RASGRF2: variants seen among roughly 807,000 people sequenced by gnomAD.
RASGRF2 encodes Ras protein specific guanine nucleotide releasing factor 2.
A neutral mutation model predicts 151.0 loss-of-function variants in RASGRF2; 76 were observed. The observed-to-expected ratio is 0.50, with a 90% CI of 0.42 to 0.61. The LOEUF (loss-of-function observed/expected upper bound fraction) is 0.61, where lower values mean the gene tolerates loss of function less well. Among genes scored for constraint, RASGRF2 ranks in the 20% least tolerant of loss-of-function variants. The pLI is 0.00. For synonymous variants in RASGRF2, 504 were observed against 566.5 expected, an observed-to-expected ratio of 0.89 and a Z score of 1.57; for missense variants, 1,148 against 1,564.6, an observed-to-expected ratio of 0.73 and a Z score of 4.49.
At chr5:81,041,233 C>T (rs973560814) in intron 1 of RASGRF2, among the ~76,000 whole-genome samples, 2 of 147,102 alleles carry the variant, frequency 1.4e-5, no homozygotes, top group Non-Finnish European at 3.0e-5. Context: ...ACCAGGGAGA[C>T]GGAGGTTGCA....
chr5:81,195,549 CTTCTTGAGATTTTT>C (rs1339337310), intron 18 of RASGRF2, among the ~76,000 whole-genome samples: 2 of 149,310 alleles, frequency 1.3e-5, no homozygotes, highest in African/African-American at 4.9e-5. Context: ...ATTTCTTTTA[CTTCTTGAGATTTTT>C]TTTTTGTGAC....
chr5:81,072,854 T>A (rs1296342331), intron 4 of RASGRF2, among the ~76,000 whole-genome samples: 2 of 152,256 alleles, frequency 1.3e-5, no homozygotes, highest in East Asian at 3.9e-4. Context: ...TGTCGGTTAT[T>A]TTATAGATGA....
chr5:81,100,070 G>A (rs972453384), intron 12 of RASGRF2, among the ~76,000 whole-genome samples: 2 of 151,900 alleles, frequency 1.3e-5, no homozygotes, highest in African/African-American at 2.4e-5. Context: ...AGCATGCCCA[G>A]CTAATTTTTT....
At chr5:81,081,808 T>A (rs1752095115) in intron 7 of RASGRF2, among the ~76,000 whole-genome samples, 1 of 152,204 alleles carries the variant, frequency 6.6e-6, no homozygotes, top group Non-Finnish European at 1.5e-5. Context: ...TTTAGTCAGA[T>A]TTTTAACCGA....
chr5:80,979,149 G>A lies in RASGRF2; in HGVS notation c.288+18123G>A, dbSNP rs577635993. ...AGTCTCCTTTTAGCTACTATGATTA[G>A]GGTAGTTCCCAATTTCTCCACCTTA... On this transcript the variant is annotated intron_variant, in intron 1 of 26. Coordinates refer to ENST00000265080, the MANE Select transcript of RASGRF2 (RefSeq NM_006909.3). 6.6e-5 allele frequency among the ~76,000 whole-genome samples: 10 copies of A among 152,204 alleles called. No individual in the cohort carries two copies. In the East Asian group the frequency reaches 1.9e-3, roughly 29 times the overall value.
At chr5:81,092,364 C>A (rs1334874798) in intron 9 of RASGRF2, among the ~76,000 whole-genome samples, 1 of 151,842 alleles carries the variant, frequency 6.6e-6, no homozygotes, top group Non-Finnish European at 1.5e-5. Context: ...TATTAATATG[C>A]TATTTATCTA....
intron 17 of RASGRF2, among the ~76,000 whole-genome samples, chr5:81,174,124 A>G (rs1754720200): frequency 6.6e-6 from 1 of 152,228 alleles, no homozygotes; most frequent in South Asian, 2.1e-4. Flanking sequence ...GAATTTATTG[A>G]CTGAATGAGA....
intron 1 of RASGRF2, among the ~76,000 whole-genome samples, chr5:80,983,252 A>G (rs60959611): frequency 6.6e-6 from 1 of 152,294 alleles, no homozygotes; most frequent in African/African-American, 2.4e-5. Flanking sequence ...AGTCAATACC[A>G]ACATGTTGGG....
intron 15 of RASGRF2, among the ~76,000 whole-genome samples, chr5:81,120,904 A>G (rs1395587395): frequency 6.6e-6 from 1 of 152,238 alleles, no homozygotes; most frequent in Middle Eastern, 3.2e-3. Flanking sequence ...CTGGGTAGAA[A>G]GTTTAGAATT....
At chr5:81,111,061 A>G (rs1752978569) in intron 13 of RASGRF2, among the ~76,000 whole-genome samples, 2 of 152,224 alleles carry the variant, frequency 1.3e-5, no homozygotes, top group Admixed American at 6.5e-5. Flanking sequence ...CTAAGAAAGC[A>G]GTTGATTCCT....
At chr5:81,174,535 A>G (rs556691364) in intron 17 of RASGRF2, among the ~76,000 whole-genome samples, 3 of 152,368 alleles carry the variant, frequency 2.0e-5, no homozygotes, top group Non-Finnish European at 2.9e-5. Context: ...AAGCAGGCAC[A>G]GTGACAAGAG....
intron 9 of RASGRF2, among the ~76,000 whole-genome samples, chr5:81,089,570 A>G (rs1283801958): frequency 1.3e-5 from 2 of 152,242 alleles, no homozygotes; most frequent in Non-Finnish European, 2.9e-5. Context: ...ACAGAAGACT[A>G]TATTATAGAA....
rs530228881 is a variant in RASGRF2 at position 80,982,847 on chromosome 5, G to A, written c.288+21821G>A. ...GATCTCCTGACCTCATGATCTGCCC[G>A]CCTGGGCCTCCCAAAGTGCTGGGAT... On this transcript the variant is annotated intron_variant, in intron 1 of 26. Coordinates refer to ENST00000265080, the MANE Select transcript of RASGRF2 (RefSeq NM_006909.3). Among the ~76,000 whole-genome samples the A allele has an allele frequency of 1.4e-4, 22 of 152,064 alleles. No individual in the cohort carries two copies. The South Asian group carries it at 2.9e-3, about 20-fold the overall frequency.
At chr5:81,178,889 C>T (rs1754846763) in intron 17 of RASGRF2, among the ~76,000 whole-genome samples, 1 of 152,290 alleles carries the variant, frequency 6.6e-6, no homozygotes, top group East Asian at 1.9e-4. Flanking sequence ...CAGGCGCCCG[C>T]CACCACGCCT....
At chr5:81,128,654 A>G (rs996123228) in intron 17 of RASGRF2, among the ~76,000 whole-genome samples, 5 of 152,180 alleles carry the variant, frequency 3.3e-5, no homozygotes, top group Non-Finnish European at 2.9e-5. Context: ...CGGTGCAGCT[A>G]TTGCTTTAGC....
chr5:81,067,951 A>T, intron 2 of RASGRF2, 81 bp from the exon 3 acceptor site: 1 of 1,208,312 alleles, frequency 8.3e-7, no homozygotes, highest in Non-Finnish European at 1.1e-6. Flanking sequence ...TTCTTTTTCA[A>T]ATGTAGCATA....
At chr5:81,117,881 CT>C (rs1190126105) in intron 15 of RASGRF2, among the ~76,000 whole-genome samples, 1 of 152,178 alleles carries the variant, frequency 6.6e-6, no homozygotes, top group African/African-American at 2.4e-5. Flanking sequence ...TATAACATGC[CT>C]CAAGTAAGTC....
chr5:81,008,139 C>CTTTTTTTTTTTTTTTTTTTT (rs58105434), intron 1 of RASGRF2, among the ~76,000 whole-genome samples: 1 of 85,388 alleles, frequency 1.2e-5, no homozygotes, highest in Non-Finnish European at 2.2e-5. Context: ...TCTTTCTTTC[C>CTTTTTTTTTTTTTTTTTTTT]TTTTTTTTTT....
intron 17 of RASGRF2, among the ~76,000 whole-genome samples, chr5:81,174,820 A>G (rs996914529): frequency 2.6e-5 from 4 of 152,222 alleles, no homozygotes; most frequent in Admixed American, 6.5e-5. Context: ...TTGCCTTAAA[A>G]TCCATGACAA....
Sources: gnomAD v4.1 joint callset for allele counts (sites outside exome capture counted in the v4.1 genomes callset) on GRCh38, gnomAD v4.1.1 for gene constraint, MANE v1.5 for transcripts, NCBI Gene and HGNC (gene_info 2026-07-23, HGNC 2026-07-21) for gene names.